NLGN1: variants seen among roughly 807,000 people sequenced by gnomAD.
NLGN1 encodes neuroligin-1.
Under a neutral mutation model 65.5 loss-of-function variants are expected in NLGN1, and 12 were observed. That is an observed-to-expected ratio of 0.18 (90% CI 0.12 to 0.30). The LOEUF (loss-of-function observed/expected upper bound fraction) is 0.30. NLGN1 is among the 10% of genes least tolerant of loss of function. The probability of loss-of-function intolerance (pLI) is 1.00; values close to 1 mark genes in which losing one functional copy is unlikely to be tolerated. For missense variants in NLGN1, 750 were observed against 1,007.1 expected, an observed-to-expected ratio of 0.74 and a Z score of 3.46; for synonymous variants, 350 against 359.5, an observed-to-expected ratio of 0.97 and a Z score of 0.30.
At chr3:174,140,548 G>T (rs1328660203) in intron 4 of NLGN1, among the ~76,000 whole-genome samples, 1 of 152,094 alleles carries the variant, frequency 6.6e-6, no homozygotes, top group Non-Finnish European at 1.5e-5. Flanking sequence ...CAAAAAGAAA[G>T]TAAATTTCTG....
In NLGN1 at chr3:173,986,996, A is replaced by ATTG. The variant is rs569612019; in HGVS notation, c.646+179166_646+179167insGTT. 3.3e-4 allele frequency among the ~76,000 whole-genome samples: 51 copies of ATTG among 152,346 alleles called. No individual in the cohort carries two copies. In the South Asian group the frequency reaches 0.011, roughly 32 times the overall value. On this transcript the variant is annotated intron_variant, in intron 4 of 6. Coordinates refer to ENST00000457714, the Ensembl canonical transcript of NLGN1. ...CCATAATAAGCAGAGACTGGAAGAAATTACAAATATTTGGAAAGATAAAAG... is the reference window on the plus strand; with the variant it reads ...CCATAATAAGCAGAGACTGGAAGAAATTGTTACAAATATTTGGAAAGATAAAAG...
chr3:173,421,499 A>G (rs942041347), intron 1 of NLGN1, among the ~76,000 whole-genome samples: 3 of 151,316 alleles, frequency 2.0e-5, no homozygotes, highest in Non-Finnish European at 2.9e-5. Context: ...GATCAATTTT[A>G]TAATAATAAT....
chr3:173,618,761 A>G (rs1294804106), intron 3 of NLGN1, among the ~76,000 whole-genome samples: 1 of 151,850 alleles, frequency 6.6e-6, no homozygotes, highest in African/African-American at 2.4e-5. Flanking sequence ...AATCCTGGAG[A>G]GTGGTGGTGG....
In NLGN1 at chr3:173,623,906, C is replaced by T. The variant is rs79179899; in HGVS notation, c.493+18815C>T. Reference sequence around the variant, plus strand: ...CTTTTAAATATTTAAATTATCTTGCCGTCCCATTGACATCTATTTAAAAGG... The same window carrying T: ...CTTTTAAATATTTAAATTATCTTGCTGTCCCATTGACATCTATTTAAAAGG... On this transcript the variant is annotated intron_variant, in intron 3 of 6. Transcript: ENST00000457714. Among the ~76,000 whole-genome samples the T allele has an allele frequency of 6.9e-3, 1,053 of 152,120 alleles. 39 individuals are homozygous for T. The highest frequency in any genetic ancestry group is 0.054 in the Admixed American group (821 of 15,252).
At chr3:174,075,916 C>G (rs1189162615) in intron 4 of NLGN1, among the ~76,000 whole-genome samples, 1 of 152,098 alleles carries the variant, frequency 6.6e-6, no homozygotes, top group Non-Finnish European at 1.5e-5. Context: ...TAAAAGTATA[C>G]ACTTTACATT....
chr3:173,800,300 TA>T, intron 3 of NLGN1: 1 of 1,199,400 alleles, frequency 8.3e-7, no homozygotes, highest in South Asian at 1.5e-5. Flanking sequence ...TAGGTCCCCT[TA>T]CAAAGAAACA....
intron 2 of NLGN1, among the ~76,000 whole-genome samples, chr3:173,582,546 T>C (rs1187082665): frequency 6.6e-6 from 1 of 152,010 alleles, no homozygotes; most frequent in Non-Finnish European, 1.5e-5. Flanking sequence ...CTCTAATAAC[T>C]AGGGGGATTG....
chr3:173,828,427 A>G (rs1461192466), intron 4 of NLGN1, among the ~76,000 whole-genome samples: 1 of 152,138 alleles, frequency 6.6e-6, no homozygotes, highest in Non-Finnish European at 1.5e-5. Flanking sequence ...GTCCCAGGAT[A>G]TAAGAGTTTT....
intron 4 of NLGN1, among the ~76,000 whole-genome samples, chr3:174,270,465 G>A (rs1202805125): frequency 6.6e-6 from 1 of 151,706 alleles, no homozygotes; most frequent in African/African-American, 2.4e-5. Flanking sequence ...ATGCCTAATT[G>A]TGAGGATTTA....
At chr3:174,241,548 G>C (rs976321938) in intron 4 of NLGN1, among the ~76,000 whole-genome samples, 1 of 150,436 alleles carries the variant, frequency 6.6e-6, no homozygotes, top group Non-Finnish European at 1.5e-5. Context: ...CGTATATATA[G>C]AAGAACAAAA....
intron 3 of NLGN1, among the ~76,000 whole-genome samples, chr3:173,748,017 C>G (rs1361630804): frequency 6.6e-6 from 1 of 151,486 alleles, no homozygotes; most frequent in East Asian, 1.9e-4. Flanking sequence ...CCAGGCTGGT[C>G]TCAAATTCCT....
intron 3 of NLGN1, among the ~76,000 whole-genome samples, chr3:173,711,715 T>C (rs1340943265): frequency 6.6e-6 from 1 of 152,148 alleles, no homozygotes; most frequent in Non-Finnish European, 1.5e-5. Flanking sequence ...ACTGAGCATA[T>C]TGGCTGCTTA....
intron 1 of NLGN1, among the ~76,000 whole-genome samples, chr3:173,418,029 C>T (rs973248904): frequency 6.6e-6 from 1 of 151,314 alleles, no homozygotes; most frequent in Non-Finnish European, 1.5e-5. Context: ...TTCATCCATT[C>T]TCTTTCTTTT....
chr3:173,721,517 A>T (rs1770833295), intron 3 of NLGN1, among the ~76,000 whole-genome samples: 1 of 152,206 alleles, frequency 6.6e-6, no homozygotes, highest in African/African-American at 2.4e-5. Flanking sequence ...TAAACATACG[A>T]TCATTTATAA....
chr3:173,944,119 T>TGGTTGTGTGTG (rs1340073625), intron 4 of NLGN1, among the ~76,000 whole-genome samples: 1 of 106,414 alleles, frequency 9.4e-6, no homozygotes, highest in African/African-American at 3.9e-5. Flanking sequence ...CCAGTTAATA[T>TGGTTGTGTGTG]TATGGGTGTG....
At chr3:173,422,853 G>A (rs1715349362) in intron 1 of NLGN1, among the ~76,000 whole-genome samples, 1 of 152,154 alleles carries the variant, frequency 6.6e-6, no homozygotes, top group Admixed American at 6.5e-5. Context: ...ATAGATGCAA[G>A]TTATTGATTC....
At chr3:174,175,132 A>G (rs1729209639) in intron 4 of NLGN1, among the ~76,000 whole-genome samples, 1 of 151,906 alleles carries the variant, frequency 6.6e-6, no homozygotes, top group South Asian at 2.1e-4. Context: ...CAGCTTTTGA[A>G]GGAATATCTA....
chr3:174,293,564 C>T, the NLGN1 span, among the ~76,000 whole-genome samples: 12 of 151,462 alleles, frequency 7.9e-5, no homozygotes, highest in African/African-American at 2.7e-4. Flanking sequence ...GAATTCTCAA[C>T]GTCAGCTCTG....
intron 3 of NLGN1, among the ~76,000 whole-genome samples, chr3:173,754,664 A>G (rs1436875751): frequency 6.6e-6 from 1 of 152,146 alleles, no homozygotes; most frequent in East Asian, 1.9e-4. Context: ...AGGAAAATGA[A>G]TAAGAGTTCT....
Sources: gnomAD v4.1 joint callset for allele counts (sites outside exome capture counted in the v4.1 genomes callset) on GRCh38, gnomAD v4.1.1 for gene constraint, MANE v1.5 for transcripts, NCBI Gene and HGNC (gene_info 2026-07-23, HGNC 2026-07-21) for gene names.